DHX58: variants seen among roughly 807,000 people sequenced by gnomAD.
DHX58 encodes the protein ATP-dependent RNA helicase DHX58.
A neutral mutation model predicts 65.0 loss-of-function variants in DHX58; 51 were observed. That is an observed-to-expected ratio of 0.78 (90% confidence interval 0.63 to 0.99). The LOEUF (loss-of-function observed/expected upper bound fraction) is 0.99. Ranked by LOEUF, DHX58 falls within the 50% of genes least tolerant of loss-of-function variation. The probability of loss-of-function intolerance (pLI) is 0.00; values close to 1 mark genes in which losing one functional copy is unlikely to be tolerated. For synonymous variants in DHX58, 350 were observed against 365.0 expected (o/e 0.96, Z 0.47); for missense variants, 773 against 891.8 (o/e 0.87, Z 1.70).
Position 42,104,872 on chromosome 17 carries a change from C to T in DHX58, c.1457G>A (p.Gly486Asp), listed in dbSNP as rs1555662249. The T allele has an allele frequency of 6.2e-7, 1 of 1,614,188 alleles. No homozygotes were observed. The highest frequency in any genetic ancestry group is 8.5e-7 in the Non-Finnish European group (1 of 1,180,036). ...QSVYAFVATE[G>D]SRELKRELIN... Reference sequence around the variant, plus strand: ...CAGCTCCCGCTTCAGCTCCCGGCTACCTTCAGTTGCTACAAACGCGTATAC... The same window carrying T: ...CAGCTCCCGCTTCAGCTCCCGGCTATCTTCAGTTGCTACAAACGCGTATAC... Residue 486 changes from glycine to aspartate, a missense_variant, in exon 11 of 14, where the codon GGT (glycine) becomes GAT (aspartate). Physicochemically the swap from Gly to Asp is moderately conservative, Grantham distance 94. Coordinates refer to ENST00000251642, the MANE Select transcript of DHX58 (RefSeq NM_024119.3).
chr17:42,103,201 C>A (rs1251995703), intron 12 of DHX58: 1 of 205,066 alleles, frequency 4.9e-6, no homozygotes, highest in Non-Finnish European at 9.7e-6. Context: ...CACAGTGGCC[C>A]GGAACACAGA....
At position 42,104,912 on chromosome 17, in the gene DHX58, G is replaced by C; in HGVS notation, c.1417C>G (p.Arg473Gly). Residue 473 changes from arginine to glycine, a missense_variant, in exon 11 of 14, where the codon CGG becomes GGG. By Grantham distance (125) the Arg-to-Gly change is moderately radical. Transcript: ENST00000251642. ...AACGCGTATACACTCTGATCGGCCC[G>C]GGCACGGCCCCTGGCCTGGGAAGAG... ...ISMVQARGRA[R>G]ADQSVYAFVA... 1 of 1,614,024 alleles carries C rather than the reference G, an allele frequency of 6.2e-7. No homozygotes were observed. Among genetic ancestry groups the C allele is most frequent in the Non-Finnish European group, 8.5e-7 (1 of 1,180,012 alleles).
chr17:42,105,863 C>T lies in DHX58; in HGVS notation c.1124G>A (p.Arg375His), dbSNP rs371767581. The T allele has an allele frequency of 4.5e-5, 73 of 1,613,778 alleles. No individual in the cohort carries two copies. Among genetic ancestry groups the T allele is most frequent in the Middle Eastern group, 1.6e-4 (1 of 6,078 alleles). ...GAGGGAGTGTGCGCTTTGGCGGGTG[C>T]GGGTGAAGATGATACCCCGAGGGCT... is the stretch of plus-strand genomic sequence containing the variant. ...SNSPRGIIFT[R>H]TRQSAHSLLL... The change falls in exon 9 of 14, where the codon CGC (arginine) becomes CAC (histidine). Residue 375 changes from arginine (R) to histidine (H), a missense_variant. Transcript: ENST00000251642.
chr17:42,111,935 C>A, intron 2 of DHX58, 42 bp from the exon 3 acceptor site: 1 of 1,572,264 alleles, frequency 6.4e-7, no homozygotes. Context: ...CTCCTCCACC[C>A]CTCCCAACTC....
At chr17:42,103,866 C>A in intron 11 of DHX58, 68 bp from the exon 12 acceptor site, 1 of 1,504,774 alleles carries the variant, frequency 6.6e-7, no homozygotes, top group South Asian at 1.2e-5. Flanking sequence ...ACAAAAGGTT[C>A]CCAAAGAACT....
In DHX58 at chr17:42,104,768, TGGCCTGGTACTC is replaced by T; in HGVS notation, c.1549_1560del (p.Glu517_Ala520del). ...GGGCATGCAGGCTGCCTGCAGACCT[TGGCCTGGTACTC>T]GGCCTGGTCCATTTTCTGCACAGCA... On this transcript the variant is annotated inframe_deletion, in exon 11 of 14. Coordinates refer to ENST00000251642, the MANE Select transcript of DHX58 (RefSeq NM_024119.3). 1 of 1,613,842 alleles carries T rather than the reference TGGCCTGGTACTC, an allele frequency of 6.2e-7. No homozygotes were observed. Among genetic ancestry groups the T allele is most frequent in the Non-Finnish European group, 8.5e-7 (1 of 1,179,972 alleles).
In DHX58 at chr17:42,105,004, G is replaced by A. The variant is rs760057568; in HGVS notation, c.1401+14C>T. 1 of 1,612,240 alleles carries A rather than the reference G, an allele frequency of 6.2e-7. No homozygotes were observed. Among genetic ancestry groups the A allele is most frequent in the Non-Finnish European group, 8.5e-7 (1 of 1,178,984 alleles). On this transcript the variant is annotated intron_variant, in intron 10 of 13. Transcript: ENST00000251642. ...ATCCTATAAGGGCGGCTGAGTGGAGGAGGATGTGAGTACCTGGACCATGGA... is the reference window on the plus strand; with the variant it reads ...ATCCTATAAGGGCGGCTGAGTGGAGAAGGATGTGAGTACCTGGACCATGGA...
chr17:42,106,391 G>A (rs1014663719), intron 8 of DHX58, among the ~76,000 whole-genome samples: 2 of 142,254 alleles, frequency 1.4e-5, no homozygotes, highest in Non-Finnish European at 3.0e-5. Context: ...GGGCACTGGC[G>A]GAGGAGGTTC....
At chr17:42,112,577 G>C (rs1354482137) in intron 1 of DHX58, 28 bp downstream of exon 1, 2 of 141,534 alleles carry the variant, frequency 1.4e-5, no homozygotes, top group Non-Finnish European at 3.0e-5. Flanking sequence ...GTGGGGGTGG[G>C]GGGGGGTGGG....
intron 6 of DHX58, 71 bp from the exon 7 acceptor site, chr17:42,108,179 C>T: frequency 6.2e-7 from 1 of 1,607,704 alleles, no homozygotes; most frequent in Admixed American, 1.7e-5. Flanking sequence ...GGGTGCTGAC[C>T]CCGGCGTGTA....
Position 42,111,366 on chromosome 17 carries a change from G to A in DHX58, c.300C>T (p.Leu100=), listed in dbSNP as rs1555664166. The A allele has an allele frequency of 2.5e-6, 4 of 1,614,054 alleles. No individual in the cohort carries two copies. The highest frequency in any genetic ancestry group is 1.7e-5 in the Admixed American group (1 of 60,008). ...TCTGCAGAAGCTCTGCTGTGCAGAT[G>A]AGCAGGTCATGGCACCGGGCCAGGT... ...FGHLARCHDL[L]ICTAELLQMA... The change falls in exon 4 of 14, where the codon CTC becomes CTT. Residue 100 remains leucine, a synonymous_variant. Coordinates refer to ENST00000251642, the MANE Select transcript of DHX58 (RefSeq NM_024119.3).
Position 42,103,696 on chromosome 17 carries a change from A to G in DHX58, c.1666T>C (p.Cys556Arg), listed in dbSNP as rs1900638614. ...QFPVEHVQLL[C>R]INCMVAVGHG... ...CCCACAGCCACCATGCAGTTGATGCAGAGTAGCTGCACGTGCTCCACTGGG... is the reference window on the plus strand; with the variant it reads ...CCCACAGCCACCATGCAGTTGATGCGGAGTAGCTGCACGTGCTCCACTGGG... The change falls in exon 12 of 14, where the codon TGC (cysteine) becomes CGC (arginine). Residue 556 changes from cysteine to arginine, a missense_variant. Coordinates refer to ENST00000251642, the MANE Select transcript of DHX58 (RefSeq NM_024119.3). 3 of 1,613,810 alleles carry G rather than the reference A, an allele frequency of 1.9e-6. No individual in the cohort carries two copies. The South Asian group carries it at 3.3e-5, about 18-fold the overall frequency.
intron 1 of DHX58, 177 bp downstream of exon 1, chr17:42,112,428 C>T (rs1568007471): frequency 4.2e-6 from 1 of 237,172 alleles, no homozygotes. Context: ...CTCAGACCCA[C>T]TGGGCCCTCC....
chr17:42,105,913 C>T lies in DHX58; in HGVS notation c.1074G>A (p.Leu358=). The T allele has an allele frequency of 6.2e-7, 1 of 1,613,914 alleles. No individual in the cohort carries two copies. Among genetic ancestry groups the T allele is most frequent in the Non-Finnish European group, 8.5e-7 (1 of 1,180,018 alleles). ...NPKLEMLEKI[L]QRQFSSSNSP... Reference sequence around the variant, plus strand: ...TGTTAGAGCTACTGAACTGCCTTTGCAGGATCTTTTCCAGCATCTCCAGTT... The same window carrying T: ...TGTTAGAGCTACTGAACTGCCTTTGTAGGATCTTTTCCAGCATCTCCAGTT... The change falls in exon 9 of 14, where the codon CTG becomes CTA. Residue 358 remains leucine (L), a synonymous_variant. Coordinates refer to ENST00000251642, the MANE Select transcript of DHX58 (RefSeq NM_024119.3).
intron 9 of DHX58, among the ~76,000 whole-genome samples, chr17:42,105,504 C>T (rs1221253495): frequency 3.9e-5 from 6 of 152,124 alleles, no homozygotes; most frequent in Admixed American, 3.9e-4. Flanking sequence ...TACGGACCCC[C>T]ATGCCCAACC....
chr17:42,104,428 C>T (rs1555662160), intron 11 of DHX58, among the ~76,000 whole-genome samples: 1 of 152,144 alleles, frequency 6.6e-6, no homozygotes, highest in Non-Finnish European at 1.5e-5. Context: ...TGATATAAGT[C>T]CTAGTTCTGG....
chr17:42,104,911 C>A lies in DHX58; in HGVS notation c.1418G>T (p.Arg473Leu), dbSNP rs551428365. 1.2e-6 allele frequency: 2 copies of A among 1,614,082 alleles called. No homozygotes were observed. Among genetic ancestry groups the A allele is most frequent in the Non-Finnish European group, 1.7e-6 (2 of 1,180,028 alleles). ...AAACGCGTATACACTCTGATCGGCCCGGGCACGGCCCCTGGCCTGGGAAGA... is the reference window on the plus strand; with the variant it reads ...AAACGCGTATACACTCTGATCGGCCAGGGCACGGCCCCTGGCCTGGGAAGA... ...ISMVQARGRA[R>L]ADQSVYAFVA... The change falls in exon 11 of 14, where the codon CGG becomes CTG. Residue 473 changes from arginine to leucine, a missense_variant. Arg to Leu is a moderately radical substitution (Grantham distance 102, BLOSUM62 -2). Coordinates refer to ENST00000251642, the MANE Select transcript of DHX58 (RefSeq NM_024119.3).
At position 42,111,280 on chromosome 17, in the gene DHX58, C is replaced by A. The variant is rs369625114; in HGVS notation, c.370+16G>T. The stretch of plus-strand genomic sequence containing the variant: ...CCCCAGATGCGTATCTTTTTCCTCC[C>A]GGCCATGGCCCTCACCAGTGAGCTC... On this transcript the variant is annotated intron_variant, in intron 4 of 13. Coordinates refer to ENST00000251642, the MANE Select transcript of DHX58 (RefSeq NM_024119.3). The A allele has an allele frequency of 1.2e-6, 2 of 1,603,740 alleles. No homozygotes were observed. Among genetic ancestry groups the A allele is most frequent in the African/African-American group, 2.7e-5 (2 of 74,696 alleles).
intron 12 of DHX58, chr17:42,102,622 A>G (rs1355265746): frequency 1.2e-5 from 3 of 245,564 alleles, no homozygotes; most frequent in Non-Finnish European, 2.3e-5. Context: ...AGAGGGATCT[A>G]AAAATATAAA....
Sources: gnomAD v4.1 joint callset for allele counts (sites outside exome capture counted in the v4.1 genomes callset) on GRCh38, gnomAD v4.1.1 for gene constraint, MANE v1.5 for transcripts, NCBI Gene and HGNC (gene_info 2026-07-23, HGNC 2026-07-21) for gene names.